CLUAP1: variants seen among roughly 807,000 people sequenced by gnomAD.
CLUAP1 encodes clusterin-associated protein 1.
Under a neutral mutation model 55.0 loss-of-function variants are expected in CLUAP1, and 50 were observed. The ratio of observed to expected loss-of-function variants is 0.91; its 90% confidence interval spans 0.72 to 1.15. CLUAP1 has a LOEUF of 1.15. Ranked by LOEUF, CLUAP1 falls within the 50% of genes most tolerant of loss-of-function variation. The pLI, the probability that CLUAP1 is intolerant of heterozygous loss-of-function variation, is 0.00. For synonymous variants in CLUAP1, 195 were observed against 175.4 expected (o/e 1.11, Z -0.88); for missense variants, 530 against 507.6 (o/e 1.04, Z -0.42).
chr16:3,530,926 C>G (rs2038103500), intron 10 of CLUAP1, among the ~76,000 whole-genome samples: 1 of 152,144 alleles, frequency 6.6e-6, no homozygotes, highest in Admixed American at 6.5e-5. Flanking sequence ...TTCTCACAGC[C>G]ACAAGAACAC....
intron 10 of CLUAP1, among the ~76,000 whole-genome samples, chr16:3,531,655 G>C (rs1456908710): frequency 2.6e-5 from 4 of 152,192 alleles, no homozygotes; most frequent in Admixed American, 2.6e-4. Context: ...GCCAGGGTGG[G>C]TGTGTCTTTA....
chr16:3,512,254 G>C, intron 4 of CLUAP1, 129 bp from the exon 5 acceptor site: 1 of 635,060 alleles, frequency 1.6e-6, no homozygotes, highest in Non-Finnish European at 2.9e-6. Context: ...CCAACACTTT[G>C]GGAGGCTGAG....
chr16:3,512,611 A>G, intron 5 of CLUAP1, 133 bp downstream of exon 5: 1 of 615,330 alleles, frequency 1.6e-6, no homozygotes, highest in Admixed American at 2.6e-5. Context: ...TGGAAAGGTG[A>G]TAGAGGATAT....
rs775106019 is a variant in CLUAP1 at position 3,519,903 on chromosome 16, A to G, written c.580A>G (p.Thr194Ala). The change falls in exon 7 of 12, where the codon ACA (threonine) becomes GCA (alanine). Residue 194 changes from threonine (T) to alanine (A), a missense_variant and splice_region_variant. Transcript: ENST00000576634. Reference sequence around the variant, plus strand: ...TCTCATTATTTCCCATTAAATATAGACACAGGTTCAGAAGACTAAAGACCT... The same window carrying G: ...TCTCATTATTTCCCATTAAATATAGGCACAGGTTCAGAAGACTAAAGACCT... ...VMRIAIKEILTQVQKTKDLLN... is the reference protein window; with the variant it reads ...VMRIAIKEILAQVQKTKDLLN... 12 of 1,589,962 alleles carry G rather than the reference A, an allele frequency of 7.5e-6. No individual in the cohort carries two copies. The highest frequency in any genetic ancestry group is 1.0e-5 in the Non-Finnish European group (12 of 1,173,152).
chr16:3,508,004 T>C (rs375602332), intron 3 of CLUAP1, among the ~76,000 whole-genome samples: 1 of 152,192 alleles, frequency 6.6e-6, no homozygotes, highest in African/African-American at 2.4e-5. Context: ...CATCTCATTT[T>C]GTTTGTGTTT....
chr16:3,498,311 G>A (rs2037334634), upstream of CLUAP1, among the ~76,000 whole-genome samples: 1 of 151,884 alleles, frequency 6.6e-6, no homozygotes. Context: ...ACTCAGTCTA[G>A]CAATTCAAAT....
intron 5 of CLUAP1, 152 bp downstream of exon 5, chr16:3,512,630 C>A: frequency 2.0e-6 from 1 of 494,410 alleles, no homozygotes; most frequent in Non-Finnish European, 3.6e-6. Flanking sequence ...ATTAGCTGTC[C>A]TTCCTGCTTC....
At chr16:3,525,840 T>C (rs1308269660) in intron 8 of CLUAP1, among the ~76,000 whole-genome samples, 1 of 152,202 alleles carries the variant, frequency 6.6e-6, no homozygotes, top group Non-Finnish European at 1.5e-5. Context: ...GCGTGGGGGT[T>C]ACAGGTGTGA....
chr16:3,495,637 C>G, the CLUAP1 span: 15 of 605,388 alleles, frequency 2.5e-5, no homozygotes, highest in Non-Finnish European at 3.1e-5. Flanking sequence ...GGGCCAGAAC[C>G]CTGGGGGAAG....
intron 9 of CLUAP1, among the ~76,000 whole-genome samples, chr16:3,529,813 T>A (rs1232099926): frequency 2.7e-5 from 1 of 36,672 alleles, no homozygotes; most frequent in Non-Finnish European, 4.6e-5. Context: ...TATATATATA[T>A]TATAATATAA....
chr16:3,500,289 T>G (rs1382228416), upstream of CLUAP1, among the ~76,000 whole-genome samples: 4 of 151,808 alleles, frequency 2.6e-5, no homozygotes, highest in Non-Finnish European at 5.9e-5. Flanking sequence ...GATCCCGTCC[T>G]CCGCTCGGCA....
chr16:3,498,573 C>G (rs538491807), upstream of CLUAP1, among the ~76,000 whole-genome samples: 2 of 152,290 alleles, frequency 1.3e-5, no homozygotes, highest in East Asian at 3.9e-4. Flanking sequence ...CTTTGGGACA[C>G]TCAGGTGGTC....
chr16:3,508,214 T>C (rs1443593758), intron 3 of CLUAP1, 75 bp from the exon 4 acceptor site: 3 of 1,348,790 alleles, frequency 2.2e-6, no homozygotes, highest in Non-Finnish European at 3.0e-6. Flanking sequence ...CATTTTCAAC[T>C]CACCTACATG....
chr16:3,519,505 C>T (rs1002285547), intron 6 of CLUAP1, among the ~76,000 whole-genome samples: 7 of 152,140 alleles, frequency 4.6e-5, no homozygotes, highest in South Asian at 2.1e-4. Flanking sequence ...TTCTGTAAGT[C>T]GGGTGTTTGT....
intron 1 of CLUAP1, 59 bp downstream of exon 1, chr16:3,501,148 C>T: frequency 1.3e-6 from 2 of 1,514,608 alleles, no homozygotes; most frequent in South Asian, 1.2e-5. Flanking sequence ...GGGCTCCCGC[C>T]CGCCGGGTCC....
Position 3,536,179 on chromosome 16 carries a change from T to C in CLUAP1, c.1150T>C (p.Leu384=), listed in dbSNP as rs890724612. ...AGATGATGATGACGAGGATGACGATTTGGAAGACGAGAGCATTTCTCTCTC... is the reference window on the plus strand; with the variant it reads ...AGATGATGATGACGAGGATGACGATCTGGAAGACGAGAGCATTTCTCTCTC... ...MEDDDDEDDD[L]EDESISLSPT... is the part of the protein sequence containing the mutation. The change falls in exon 12 of 12, where the codon TTG becomes CTG. Residue 384 remains leucine (L), a synonymous_variant. Coordinates refer to ENST00000576634, the MANE Select transcript of CLUAP1 (RefSeq NM_015041.3). The C allele has an allele frequency of 1.9e-6, 3 of 1,614,030 alleles. No individual in the cohort carries two copies. The highest frequency in any genetic ancestry group is 2.7e-5 in the African/African-American group (2 of 74,904).
chr16:3,500,269 C>T (rs1278789602), upstream of CLUAP1, among the ~76,000 whole-genome samples: 1 of 152,150 alleles, frequency 6.6e-6, no homozygotes, highest in Admixed American at 6.5e-5. Flanking sequence ...TGCCTCTGGG[C>T]GCCCACAGTG....
chr16:3,505,915 A>G (rs1035087522), intron 2 of CLUAP1, among the ~76,000 whole-genome samples: 4 of 152,218 alleles, frequency 2.6e-5, no homozygotes. Flanking sequence ...TGCAGGCTGT[A>G]CAGGTCGGAG....
chr16:3,530,485 T>G, intron 9 of CLUAP1, 83 bp from the exon 10 acceptor site: 1 of 916,314 alleles, frequency 1.1e-6, no homozygotes, highest in Non-Finnish European at 1.8e-6. Context: ...AAATGACTTT[T>G]GCACACAGAC....
Sources: allele counts gnomAD v4.1 joint callset (sites outside exome capture counted in the v4.1 genomes callset), GRCh38; gene constraint gnomAD v4.1.1; transcripts MANE v1.5; gene names NCBI Gene and HGNC (gene_info 2026-07-23, HGNC 2026-07-21).